Variants in GPR158 observed in about 807,000 individuals in gnomAD.
GPR158 encodes the protein metabotropic glycine receptor.
Under a neutral mutation model 78.2 loss-of-function variants are expected in GPR158, and 30 were observed. The ratio of observed to expected loss-of-function variants is 0.38; its 90% confidence interval spans 0.29 to 0.52. The LOEUF is 0.52. Ranked by LOEUF, GPR158 falls within the 20% of genes least tolerant of loss-of-function variation. GPR158 has a pLI of 0.83. For synonymous variants in GPR158, 581 were observed against 591.1 expected (o/e 0.98, Z 0.25); for missense variants, 1,463 against 1,523.5 (o/e 0.96, Z 0.66).
At chr10:25,207,677 G>T (rs1564391487) in intron 1 of GPR158, among the ~76,000 whole-genome samples, 1 of 152,098 alleles carries the variant, frequency 6.6e-6, no homozygotes, top group Non-Finnish European at 1.5e-5. Context: ...TTCCTCACAG[G>T]ACATGGACTG....
chr10:25,232,709 G>A (rs1564397286), intron 2 of GPR158, among the ~76,000 whole-genome samples: 1 of 152,114 alleles, frequency 6.6e-6, no homozygotes, highest in Non-Finnish European at 1.5e-5. Context: ...AGAACATGAA[G>A]TATTGAGATC....
chr10:25,474,757 T>G (rs535397417), intron 5 of GPR158, among the ~76,000 whole-genome samples: 30 of 152,198 alleles, frequency 2.0e-4, no homozygotes, highest in Admixed American at 3.3e-4. Flanking sequence ...ACGGAATGAG[T>G]GAACAAGTTA....
chr10:25,556,426 C>T (rs1836787495), intron 6 of GPR158, among the ~76,000 whole-genome samples: 2 of 152,154 alleles, frequency 1.3e-5, no homozygotes, highest in African/African-American at 4.8e-5. Context: ...GTGAACATTG[C>T]ATTCTGACTA....
intron 2 of GPR158, among the ~76,000 whole-genome samples, chr10:25,275,012 A>G (rs370309667): frequency 1.9e-4 from 29 of 152,292 alleles, no homozygotes; most frequent in African/African-American, 6.7e-4. Context: ...CCATTTATTT[A>G]GGAGAAATAT....
At chr10:25,523,885 A>G (rs1423753857) in intron 5 of GPR158, among the ~76,000 whole-genome samples, 2 of 152,222 alleles carry the variant, frequency 1.3e-5, no homozygotes, top group Non-Finnish European at 2.9e-5. Flanking sequence ...AGGAAGAAGT[A>G]AAACTGTCTC....
intron 4 of GPR158, among the ~76,000 whole-genome samples, chr10:25,452,144 C>T (rs995225291): frequency 4.0e-5 from 6 of 151,836 alleles, no homozygotes; most frequent in Admixed American, 2.0e-4. Context: ...CTCAAGCGAT[C>T]CTCCCACCTC....
intron 2 of GPR158, among the ~76,000 whole-genome samples, chr10:25,321,556 T>C (rs1854947871): frequency 6.6e-6 from 1 of 152,170 alleles, no homozygotes; most frequent in Non-Finnish European, 1.5e-5. Context: ...ATTTTGGTGA[T>C]TTAGAGGAGA....
At chr10:25,311,595 T>C (rs1381379763) in intron 2 of GPR158, among the ~76,000 whole-genome samples, 1 of 152,008 alleles carries the variant, frequency 6.6e-6, no homozygotes, top group East Asian at 1.9e-4. Context: ...AAATTGCGAA[T>C]TGAGATAGTT....
At chr10:25,354,124 T>G (rs906981556) in intron 2 of GPR158, among the ~76,000 whole-genome samples, 3 of 151,898 alleles carry the variant, frequency 2.0e-5, no homozygotes, top group African/African-American at 4.8e-5. Flanking sequence ...GAGGCCAAGG[T>G]GGGTGGATCA....
intron 4 of GPR158, among the ~76,000 whole-genome samples, chr10:25,439,674 A>G (rs1354141285): frequency 6.6e-6 from 1 of 152,176 alleles, no homozygotes; most frequent in African/African-American, 2.4e-5. Context: ...GTTAGGAGCC[A>G]TCCTTGAGGA....
chr10:25,561,243 T>C (rs1440557126), intron 6 of GPR158, among the ~76,000 whole-genome samples: 2 of 152,182 alleles, frequency 1.3e-5, no homozygotes, highest in Non-Finnish European at 2.9e-5. Context: ...AATGTTATAT[T>C]AAATAGTAAA....
chr10:25,363,831 G>T (rs757557899), intron 2 of GPR158, among the ~76,000 whole-genome samples: 1 of 151,700 alleles, frequency 6.6e-6, no homozygotes, highest in Non-Finnish European at 1.5e-5. Context: ...TGACCCTCAG[G>T]GTCCATGGCA....
chr10:25,256,459 C>T (rs926391241), intron 2 of GPR158, among the ~76,000 whole-genome samples: 1 of 152,092 alleles, frequency 6.6e-6, no homozygotes, highest in African/African-American at 2.4e-5. Flanking sequence ...CAAGACCAAC[C>T]TGGGTAACAT....
chr10:25,314,571 A>G (rs1159166183), intron 2 of GPR158, among the ~76,000 whole-genome samples: 1 of 151,314 alleles, frequency 6.6e-6, no homozygotes, highest in African/African-American at 2.4e-5. Context: ...AATTAGATCA[A>G]TGTTTTTCTT....
intron 4 of GPR158, among the ~76,000 whole-genome samples, chr10:25,426,553 G>T (rs985881094): frequency 6.6e-6 from 1 of 151,970 alleles, no homozygotes; most frequent in Admixed American, 6.6e-5. Flanking sequence ...ATGTCTCAGG[G>T]AATAGGGCCC....
At chr10:25,360,165 A>G (rs576914987) in intron 2 of GPR158, among the ~76,000 whole-genome samples, 1 of 152,282 alleles carries the variant, frequency 6.6e-6, no homozygotes, top group East Asian at 1.9e-4. Context: ...CCTTTGTCAG[A>G]TGGATAGATT....
intron 2 of GPR158, among the ~76,000 whole-genome samples, chr10:25,291,939 A>G (rs1854442972): frequency 6.6e-6 from 1 of 152,142 alleles, no homozygotes; most frequent in African/African-American, 2.4e-5. Context: ...GCTTTAGGAA[A>G]TGAAGAATTC....
chr10:25,304,292 C>G (rs1854636880), intron 2 of GPR158, among the ~76,000 whole-genome samples: 1 of 152,028 alleles, frequency 6.6e-6, no homozygotes, highest in Non-Finnish European at 1.5e-5. Flanking sequence ...TATCTAAACT[C>G]AAGATTGCTG....
chr10:25,263,320 T>G (rs142628627), intron 2 of GPR158, among the ~76,000 whole-genome samples: 37 of 152,316 alleles, frequency 2.4e-4, no homozygotes, highest in Non-Finnish European at 4.4e-4. Flanking sequence ...TTCGCTTCTT[T>G]CTCAAAGTTC....
Sources: gnomAD v4.1 joint callset for allele counts (sites outside exome capture counted in the v4.1 genomes callset) on GRCh38, gnomAD v4.1.1 for gene constraint, MANE v1.5 for transcripts, NCBI Gene and HGNC (gene_info 2026-07-23, HGNC 2026-07-21) for gene names.